HOXD11: variants seen among roughly 807,000 people sequenced by gnomAD.
HOXD11 encodes homeobox protein Hox-D11.
HOXD11 carries 16 observed loss-of-function variants against 23.1 expected under a neutral mutation model. The ratio of observed to expected loss-of-function variants is 0.69; its 90% CI spans 0.47 to 1.05. HOXD11 has a LOEUF of 1.05. Ranked by LOEUF, HOXD11 falls within the 50% of genes least tolerant of loss-of-function variation. The pLI, the probability that HOXD11 is intolerant of heterozygous loss-of-function variation, is 0.00. For missense variants in HOXD11, 564 were observed against 495.6 expected (o/e 1.14, Z -1.31); for synonymous variants, 262 against 224.4 (o/e 1.17, Z -1.50).
At position 176,109,355 on chromosome 2, in the gene HOXD11, A is replaced by C; in HGVS notation, c.*213A>C. On this transcript the variant is annotated 3_prime_UTR_variant, in exon 2 of 2. Coordinates refer to ENST00000249504, the MANE Select transcript of HOXD11 (RefSeq NM_021192.3). ...GCCGAGCGGATCCTAATAAGGGGAA[A>C]ATGGTAAATGCAAACGTCCCGTTAC... 1 of 538,864 alleles carries C rather than the reference A, an allele frequency of 1.9e-6. No homozygotes were observed. Among genetic ancestry groups the C allele is most frequent in the Non-Finnish European group, 3.3e-6 (1 of 302,816 alleles). The allele number at this position is 538,864 out of a possible 1,614,324, so 33.4% of individuals were successfully genotyped here. A position where few individuals can be genotyped will look rare whatever the true frequency, so the allele number is the denominator to read the frequency against.
downstream of HOXD11, among the ~76,000 whole-genome samples, chr2:176,114,669 G>GTTTTTTGGGAAGAGGGACAAAAA (rs1214943559): frequency 3.9e-5 from 6 of 152,138 alleles, no homozygotes; most frequent in African/African-American, 1.4e-4. Context: ...AGGGACAAAG[G>GTTTTTTGGGAAGAGGGACAAAAA]GTTTTTTGGG....
chr2:176,108,096 C>A lies in HOXD11; in HGVS notation c.741C>A (p.Gly247=). 2.1e-6 allele frequency: 3 copies of A among 1,425,246 alleles called. No homozygotes were observed. Among genetic ancestry groups the A allele is most frequent in the South Asian group, 2.7e-5 (2 of 75,216 alleles). 88.3% of individuals were successfully genotyped at this position (1,425,246 alleles called of 1,614,324 possible). ...AAGGCAGCGGTGGCGACGGCGAGGGCCCCCCGGGAGAGGCGGGGGCCGAGA... is the reference window on the plus strand; with the variant it reads ...AAGGCAGCGGTGGCGACGGCGAGGGACCCCCGGGAGAGGCGGGGGCCGAGA... ...AAEGSGGDGE[G]PPGEAGAEKS... Residue 247 remains glycine, a synonymous_variant, in exon 1 of 2, where the codon GGC becomes GGA. Coordinates refer to ENST00000249504, the MANE Select transcript of HOXD11 (RefSeq NM_021192.3).
chr2:176,108,659 C>CTGTGTGTGTGTGTGTG (rs56323681), intron 1 of HOXD11: 325 of 326,024 alleles, frequency 1.0e-3, no homozygotes, highest in African/African-American at 5.6e-3. Flanking sequence ...GTGCCAGGCT[C>CTGTGTGTGTGTGTGTG]TGTGTGTGTG....
chr2:176,113,419 G>T (rs1689703665), downstream of HOXD11, among the ~76,000 whole-genome samples: 3 of 152,148 alleles, frequency 2.0e-5, no homozygotes, highest in Admixed American at 2.0e-4. Context: ...GGGCGTCTTG[G>T]TACAAATATG....
chr2:176,108,094 G>A lies in HOXD11; in HGVS notation c.739G>A (p.Gly247Ser), dbSNP rs1689611485. 6.8e-7 allele frequency: 1 copy of A among 1,469,420 alleles called. No individual in the cohort carries two copies. The highest frequency in any genetic ancestry group is 1.3e-5 in the South Asian group (1 of 76,812). The allele number at this position is 1,469,420 out of a possible 1,614,324, so 91.0% of individuals were successfully genotyped here. A position where few individuals can be genotyped will look rare whatever the true frequency, so the allele number is the denominator to read the frequency against. Residue 247 changes from glycine to serine, a missense_variant, in exon 1 of 2, where the codon GGC (glycine) becomes AGC (serine). Transcript: ENST00000249504. ...AAEGSGGDGE[G>S]PPGEAGAEKS... ...AGAAGGCAGCGGTGGCGACGGCGAG[G>A]GCCCCCCGGGAGAGGCGGGGGCCGA...
At chr2:176,111,658 T>A (rs1230468777), downstream of HOXD11, 1 of 151,450 alleles carries the variant, frequency 6.6e-6, no homozygotes, top group East Asian at 1.9e-4. Context: ...TACCTTGGTA[T>A]AACCAGATGG....
chr2:176,108,689 G>GTGTGTT (rs1689625701), intron 1 of HOXD11: 1 of 579,398 alleles, frequency 1.7e-6, no homozygotes, highest in Non-Finnish European at 3.1e-6. Flanking sequence ...GTGTGTGTGT[G>GTGTGTT]TGTGTGTGTC....
rs1353528113 is a variant in HOXD11, at chr2:176,109,338, G to A, written c.*196G>A. 1 of 571,424 alleles carries A rather than the reference G, an allele frequency of 1.8e-6. No homozygotes were observed. Among genetic ancestry groups the A allele is most frequent in the East Asian group, 2.9e-5 (1 of 34,830 alleles). The allele number at this position is 571,424 out of a possible 1,614,324, so 35.4% of individuals were successfully genotyped here. On this transcript the variant is annotated 3_prime_UTR_variant, in exon 2 of 2. Coordinates refer to ENST00000249504, the MANE Select transcript of HOXD11 (RefSeq NM_021192.3). Reference sequence around the variant, plus strand: ...GACGAGGCCGGGACTTGGCCGAGCGGATCCTAATAAGGGGAAAATGGTAAA... The same window carrying A: ...GACGAGGCCGGGACTTGGCCGAGCGAATCCTAATAAGGGGAAAATGGTAAA...
chr2:176,109,174 A>C lies in HOXD11; in HGVS notation c.*32A>C, dbSNP rs1689640723. On this transcript the variant is annotated 3_prime_UTR_variant, in exon 2 of 2. Transcript: ENST00000249504. The stretch of plus-strand genomic sequence containing the variant: ...CAGGAAGCGCCCTCACCCCAGCCCC[A>C]CTCACCCACCCTCCTTCCCACCAGC... 1 of 1,335,890 alleles carries C rather than the reference A, an allele frequency of 7.5e-7. No homozygotes were observed. Among genetic ancestry groups the C allele is most frequent in the Admixed American group, 1.7e-5 (1 of 58,966 alleles). The allele number at this position is 1,335,890 out of a possible 1,614,324, so 82.8% of individuals were successfully genotyped here. A position where few individuals can be genotyped will look rare whatever the true frequency, so the allele number is the denominator to read the frequency against.
rs767985663 is a variant in HOXD11 at position 176,107,614 on chromosome 2, G to T, written c.259G>T (p.Gly87Cys). Residue 87 changes from glycine (G) to cysteine (C), a missense_variant, in exon 1 of 2, where the codon GGC becomes TGC. Physicochemically the swap from Gly to Cys is radical, Grantham distance 159. Transcript: ENST00000249504. Reference sequence around the variant, plus strand: ...CGGCGGCGGCGGCAGCGCGGGGGGCGGCAGCAGCGGGGGCGGCCCCGGCGG... The same window carrying T: ...CGGCGGCGGCGGCAGCGCGGGGGGCTGCAGCAGCGGGGGCGGCCCCGGCGG... ...GGGGGGSAGG[G>C]SSGGGPGGGG... The T allele has an allele frequency of 3.9e-5, 45 of 1,159,458 alleles. No individual in the cohort carries two copies. In the African/African-American group the frequency reaches 6.4e-4, roughly 17 times the overall value. 71.8% of individuals were successfully genotyped at this position (1,159,458 alleles called of 1,614,324 possible).
chr2:176,112,460 C>T (rs1689690733), downstream of HOXD11, among the ~76,000 whole-genome samples: 1 of 152,242 alleles, frequency 6.6e-6, no homozygotes, highest in Admixed American at 6.5e-5. Context: ...TGTTGGCCCT[C>T]CAAGCCCTGG....
Position 176,108,002 on chromosome 2 carries a change from G to C in HOXD11, c.647G>C (p.Gly216Ala). 4.7e-6 allele frequency: 7 copies of C among 1,485,726 alleles called. No individual in the cohort carries two copies. The highest frequency in any genetic ancestry group is 6.2e-6 in the Non-Finnish European group (7 of 1,123,546). 92.0% of individuals were successfully genotyped at this position (1,485,726 alleles called of 1,614,324 possible). Reference sequence around the variant, plus strand: ...GCCGACAAGGGCGACCCCAGGACCGGGGCTGGTGGCGGCGGGGGCAGTCCC... The same window carrying C: ...GCCGACAAGGGCGACCCCAGGACCGCGGCTGGTGGCGGCGGGGGCAGTCCC... ...GAADKGDPRT[G>A]AGGGGGSPCT... Residue 216 changes from glycine (G) to alanine (A), a missense_variant, in exon 1 of 2, where the codon GGG (glycine) becomes GCG (alanine). By Grantham distance (60) the Gly-to-Ala change is moderately conservative. Coordinates refer to ENST00000249504, the MANE Select transcript of HOXD11 (RefSeq NM_021192.3).
the HOXD11 span, among the ~76,000 whole-genome samples, chr2:176,115,091 G>T: frequency 6.6e-6 from 1 of 152,268 alleles, no homozygotes; most frequent in Non-Finnish European, 1.5e-5. Flanking sequence ...GAGAGGGAGG[G>T]AGGAAGTTGT....
chr2:176,110,258 A>C (rs549098648), downstream of HOXD11, among the ~76,000 whole-genome samples: 1 of 152,312 alleles, frequency 6.6e-6, no homozygotes, highest in African/African-American at 2.4e-5. Flanking sequence ...ACTGCACTTT[A>C]TGTTGCAGGG....
At chr2:176,112,901 C>T (rs919909765), downstream of HOXD11, among the ~76,000 whole-genome samples, 14 of 152,302 alleles carry the variant, frequency 9.2e-5, no homozygotes, top group African/African-American at 3.4e-4. Flanking sequence ...AAGACCTCTC[C>T]CCACCCCCAT....
In HOXD11 at chr2:176,107,647, G is replaced by T. The variant is rs1205903431; in HGVS notation, c.292G>T (p.Gly98Cys). ...SSGGGPGGGG[G>C]GAGGYAPYYA... ...CGGGGGCGGCCCCGGCGGGGGCGGCGGCGGCGCGGGGGGCTACGCTCCCTA... is the reference window on the plus strand; with the variant it reads ...CGGGGGCGGCCCCGGCGGGGGCGGCTGCGGCGCGGGGGGCTACGCTCCCTA... The change falls in exon 1 of 2, where the codon GGC (glycine) becomes TGC (cysteine). Residue 98 changes from glycine to cysteine, a missense_variant. Transcript: ENST00000249504. 1.0e-5 allele frequency: 10 copies of T among 976,952 alleles called. No individual in the cohort carries two copies. Among genetic ancestry groups the T allele is most frequent in the Non-Finnish European group, 1.2e-5 (10 of 824,360 alleles). 60.5% of individuals were successfully genotyped at this position (976,952 alleles called of 1,614,324 possible). A position where few individuals can be genotyped will look rare whatever the true frequency, so the allele number is the denominator to read the frequency against.
downstream of HOXD11, among the ~76,000 whole-genome samples, chr2:176,114,510 G>T (rs535091449): frequency 7.2e-5 from 11 of 152,232 alleles, no homozygotes; most frequent in African/African-American, 2.6e-4. Flanking sequence ...AGGTTTAAAA[G>T]GTCTGTCTCA....
intron 1 of HOXD11, 49 bp downstream of exon 1, chr2:176,108,185 G>T (rs2736847): frequency 5.9e-5 from 22 of 375,094 alleles, no homozygotes; most frequent in Admixed American, 1.8e-4. Context: ...CCGCGGGGGA[G>T]GGGGGGGGGG....
chr2:176,115,525 A>G, the HOXD11 span, among the ~76,000 whole-genome samples: 3 of 152,240 alleles, frequency 2.0e-5, no homozygotes, highest in Non-Finnish European at 2.9e-5. Flanking sequence ...TTAATAAAGT[A>G]TCTTCCCGTG....
Sources: allele counts gnomAD v4.1 joint callset (sites outside exome capture counted in the v4.1 genomes callset), GRCh38; gene constraint gnomAD v4.1.1; transcripts MANE v1.5; gene names NCBI Gene and HGNC (gene_info 2026-07-23, HGNC 2026-07-21).